The following AKAP13 variants were observed in gnomAD, a reference collection of about 807,000 sequenced individuals.
The protein encoded by AKAP13 is A-kinase anchor protein 13.
Under a neutral mutation model 264.5 loss-of-function variants are expected in AKAP13, and 80 were observed. The ratio of observed to expected loss-of-function variants is 0.30; its 90% CI spans 0.25 to 0.36. The LOEUF is 0.36. Among genes scored for constraint, AKAP13 ranks in the 10% least tolerant of loss-of-function variants. The probability of loss-of-function intolerance (pLI) is 1.00; values close to 1 mark genes in which losing one functional copy is unlikely to be tolerated. For missense variants in AKAP13, 3,712 were observed against 3,435.2 expected, an observed-to-expected ratio of 1.08 and a Z score of -2.01; for synonymous variants, 1,380 against 1,250.2, an observed-to-expected ratio of 1.10 and a Z score of -2.19.
intron 3 of AKAP13, among the ~76,000 whole-genome samples, chr15:85,531,112 C>T (rs1400935207): frequency 2.0e-5 from 3 of 152,182 alleles, no homozygotes; most frequent in African/African-American, 7.2e-5. Flanking sequence ...CTGCCTGCCT[C>T]GGCCTCCCAA....
At position 85,741,507 on chromosome 15, in the gene AKAP13, C is replaced by T; in HGVS notation, c.8058+12C>T. On this transcript the variant is annotated intron_variant, in intron 35 of 36. Coordinates refer to ENST00000394518, the MANE Select transcript of AKAP13 (RefSeq NM_007200.5). The stretch of plus-strand genomic sequence containing the variant: ...GGGACCTGTGTCAGGTAATGGGACT[C>T]CCTGCCGAGAGCAACCTAATGATGA... 1 of 1,562,780 alleles carries T rather than the reference C, an allele frequency of 6.4e-7. No homozygotes were observed. Among genetic ancestry groups the T allele is most frequent in the Non-Finnish European group, 8.7e-7 (1 of 1,151,780 alleles).
At chr15:85,705,936 A>AGT (rs1179649982) in intron 17 of AKAP13, among the ~76,000 whole-genome samples, 1 of 152,240 alleles carries the variant, frequency 6.6e-6, no homozygotes, top group Non-Finnish European at 1.5e-5. Context: ...ACTACCATAC[A>AGT]GTACCTCTTT....
intron 23 of AKAP13, among the ~76,000 whole-genome samples, chr15:85,719,922 A>G (rs1195269819): frequency 5.9e-5 from 9 of 151,808 alleles, no homozygotes; most frequent in African/African-American, 2.4e-5. Flanking sequence ...CTCAAAAAAA[A>G]AAAAATTGAA....
chr15:85,627,676 G>A (rs1039607087), intron 8 of AKAP13: 1 of 152,110 alleles, frequency 6.6e-6, no homozygotes, highest in Non-Finnish European at 1.5e-5. Flanking sequence ...GGATACTGTT[G>A]GGCTTTTTGT....
intron 8 of AKAP13, among the ~76,000 whole-genome samples, chr15:85,630,466 A>G (rs1463719332): frequency 6.6e-6 from 1 of 152,222 alleles, no homozygotes; most frequent in East Asian, 1.9e-4. Flanking sequence ...ACTATGCAAG[A>G]TGCTATGGTA....
intron 1 of AKAP13, among the ~76,000 whole-genome samples, chr15:85,388,943 A>C (rs2070721720): frequency 6.6e-6 from 1 of 152,154 alleles, no homozygotes. Flanking sequence ...AAGTTGCCAA[A>C]CTTATGTGTG....
rs117232950 is a variant in AKAP13, at chr15:85,525,814, G to A, written c.181+4239G>A. Among the ~76,000 whole-genome samples the A allele has an allele frequency of 9.2e-3, 1,405 of 152,166 alleles. 9 individuals are homozygous for A. Among genetic ancestry groups the A allele is most frequent in the Admixed American group, 0.017 (260 of 15,284 alleles). Reference sequence around the variant, plus strand: ...GAAGATAATTGTTGGGGTGGGATGGGGGCATAGAGTACTGTTTTATTGTGT... The same window carrying A: ...GAAGATAATTGTTGGGGTGGGATGGAGGCATAGAGTACTGTTTTATTGTGT... On this transcript the variant is annotated intron_variant, in intron 3 of 36. Transcript: ENST00000394518.
chr15:85,501,688 G>A (rs1334815296), intron 2 of AKAP13, among the ~76,000 whole-genome samples: 1 of 152,180 alleles, frequency 6.6e-6, no homozygotes, highest in Non-Finnish European at 1.5e-5. Context: ...GCAGAGGAAA[G>A]TATCAGAGAA....
At chr15:85,568,504 A>G (rs2078690283) in intron 5 of AKAP13, among the ~76,000 whole-genome samples, 1 of 152,152 alleles carries the variant, frequency 6.6e-6, no homozygotes, top group Admixed American at 6.5e-5. Context: ...GTATAAGAAG[A>G]TTAATTGTGG....
At chr15:85,405,251 A>G (rs190860003) in intron 1 of AKAP13, among the ~76,000 whole-genome samples, 18 of 152,148 alleles carry the variant, frequency 1.2e-4, no homozygotes, top group Admixed American at 1.1e-3. Flanking sequence ...TTCTCTTCGT[A>G]TGGTGTTAGT....
chr15:85,741,125 C>T lies in AKAP13; in HGVS notation c.7688C>T (p.Ser2563Phe). The change falls in exon 35 of 37, where the codon TCC becomes TTC. Residue 2563 changes from serine (S) to phenylalanine (F), a missense_variant. Ser to Phe is a radical substitution (Grantham distance 155). Transcript: ENST00000394518. Reference protein sequence around the residue: ...LSERALTRSLSRPSSLIEQEK... With the variant: ...LSERALTRSLFRPSSLIEQEK... ...GAGAGGGCGCTCACTCGCAGCTTGT[C>T]CCGCCCGAGCTCCCTCATTGAGCAG... 3 of 1,613,644 alleles carry T rather than the reference C, an allele frequency of 1.9e-6. No individual in the cohort carries two copies. Among genetic ancestry groups the T allele is most frequent in the Non-Finnish European group, 2.5e-6 (3 of 1,179,864 alleles).
In AKAP13 at chr15:85,381,059, G is replaced by A. The variant is rs555582145; in HGVS notation, c.-12+261G>A. On this transcript the variant is annotated intron_variant, in intron 1 of 36. Coordinates refer to ENST00000394518, the MANE Select transcript of AKAP13 (RefSeq NM_007200.5). ...GGCTCGGCGCGCCTCCCACTCCGCA[G>A]CCCAACTTAGAGGCCGTCGCCGCTT... Among the ~76,000 whole-genome samples, 4 of 151,494 alleles carry A rather than the reference G, an allele frequency of 2.6e-5. No individual in the cohort carries two copies. The South Asian group carries it at 8.5e-4, about 32-fold the overall frequency.
intron 12 of AKAP13, chr15:85,662,354 G>C (rs2083394268): frequency 6.2e-7 from 1 of 1,609,798 alleles, no homozygotes; most frequent in Admixed American, 1.7e-5. Context: ...TTTTCTCCCT[G>C]CATTTCTGTT....
chr15:85,417,496 C>A (rs1169090760), intron 1 of AKAP13, among the ~76,000 whole-genome samples: 1 of 152,132 alleles, frequency 6.6e-6, no homozygotes. Flanking sequence ...GTTGTAGAGT[C>A]AAGTTAATCA....
In AKAP13 at chr15:85,579,730, A is replaced by G. The variant is rs2079117624; in HGVS notation, c.1662A>G (p.Ala554=). 1 of 1,614,212 alleles carries G rather than the reference A, an allele frequency of 6.2e-7. No individual in the cohort carries two copies. The highest frequency in any genetic ancestry group is 2.2e-5 in the East Asian group (1 of 44,888). The change falls in exon 7 of 37, where the codon GCA becomes GCG. Residue 554 remains alanine, a synonymous_variant. Coordinates refer to ENST00000394518, the MANE Select transcript of AKAP13 (RefSeq NM_007200.5). ...DGNKPAESSL[A]FSNEETSTEK... is the part of the protein sequence containing the mutation. Reference sequence around the variant, plus strand: ...ACAAACCTGCTGAGTCTTCACTTGCATTTAGTAATGAAGAAACCTCCACTG... The same window carrying G: ...ACAAACCTGCTGAGTCTTCACTTGCGTTTAGTAATGAAGAAACCTCCACTG...
At chr15:85,526,954 A>ATT (rs11073395) in intron 3 of AKAP13, among the ~76,000 whole-genome samples, 8 of 131,314 alleles carry the variant, frequency 6.1e-5, no homozygotes, top group African/African-American at 2.0e-4. Context: ...CTTAGTTGTA[A>ATT]TTTTTTTTTT....
chr15:85,529,617 T>A (rs1477486446), intron 3 of AKAP13, among the ~76,000 whole-genome samples: 1 of 152,200 alleles, frequency 6.6e-6, no homozygotes, highest in Admixed American at 6.5e-5. Context: ...ACCCCCCAGG[T>A]GCTTTATCAG....
Position 85,645,950 on chromosome 15 carries a change from C to T in AKAP13, c.4370C>T (p.Pro1457Leu). The T allele has an allele frequency of 6.2e-7, 1 of 1,612,832 alleles. No homozygotes were observed. The highest frequency in any genetic ancestry group is 2.2e-5 in the East Asian group (1 of 44,868). Residue 1457 changes from proline to leucine, a missense_variant, in exon 10 of 37, where the codon CCA becomes CTA. This residue lies in a region of AKAP13 where 2,759 missense variants were observed against 2,411.7 expected (regional missense o/e 1.14). Transcript: ENST00000394518. ...PSDDMDSIIF[P>L]KPEEEHLACD... ...GATGACATGGACAGCATCATCTTCC[C>T]AAAGGTACTGTGTGGACCTTCCTTT...
At chr15:85,529,080 A>G (rs1318987567) in intron 3 of AKAP13, among the ~76,000 whole-genome samples, 1 of 152,114 alleles carries the variant, frequency 6.6e-6, no homozygotes. Context: ...ATCAAATTGG[A>G]TACAGTTTCT....
Sources: allele counts gnomAD v4.1 joint callset (sites outside exome capture counted in the v4.1 genomes callset), GRCh38; gene constraint gnomAD v4.1.1; regional missense constraint gnomAD v4.1.1; transcripts MANE v1.5; gene names NCBI Gene and HGNC (gene_info 2026-07-23, HGNC 2026-07-21).